The following PCDHGB7 variants were observed in gnomAD, a reference collection of about 807,000 sequenced individuals.
PCDHGB7 encodes the protein protocadherin gamma-B7.
PCDHGB7 carries 37 observed loss-of-function variants against 61.4 expected under a neutral mutation model. The ratio of observed to expected loss-of-function variants is 0.60; its 90% CI spans 0.46 to 0.79. The LOEUF is 0.79. Among genes scored for constraint, PCDHGB7 ranks in the 30% least tolerant of loss-of-function variants. The pLI is 0.00. For synonymous variants in PCDHGB7, 464 were observed against 503.5 expected (o/e 0.92, Z 1.05); for missense variants, 1,166 against 1,202.5 (o/e 0.97, Z 0.45).
At position 141,487,937 on chromosome 5, in the gene PCDHGB7, T is replaced by G; in HGVS notation, c.2416-6870T>G. 2 of 603,606 alleles carry G rather than the reference T, an allele frequency of 3.3e-6. No homozygotes were observed. The highest frequency in any genetic ancestry group is 2.9e-6 in the Non-Finnish European group (1 of 345,124). 37.4% of individuals were successfully genotyped at this position (603,606 alleles called of 1,614,324 possible). ...GGAGGCTACAGTGCACAGGGTACAG[T>G]GCACCAGGCAGTCACTTGGACAAAG... On this transcript the variant is annotated intron_variant, in intron 1 of 3. Transcript: ENST00000398594. The surrounding 1 kb of genome is among the most constrained non-coding windows in gnomAD (Gnocchi z 5.0).
Position 141,485,256 on chromosome 5 carries a change from G to A in PCDHGB7, c.2416-9551G>A, listed in dbSNP as rs770176450. The A allele has an allele frequency of 6.2e-7, 1 of 1,614,186 alleles. No homozygotes were observed. Among genetic ancestry groups the A allele is most frequent in the Non-Finnish European group, 8.5e-7 (1 of 1,179,996 alleles). On this transcript the variant is annotated intron_variant, in intron 1 of 3. Transcript: ENST00000398594. The surrounding 1 kb of genome is among the most constrained non-coding windows in gnomAD (Gnocchi z 5.7). ...CTCTTTTACCACCTGGGTTACGTTTGTGGGCAGATCCGCTACCCGGTCCCA... is the reference window on the plus strand; with the variant it reads ...CTCTTTTACCACCTGGGTTACGTTTATGGGCAGATCCGCTACCCGGTCCCA...
Position 141,419,939 on chromosome 5 carries a change from G to C in PCDHGB7, c.2080G>C (p.Val694Leu). Reference protein sequence around the residue: ...SQAEMQFYLVVALALISVLFL... With the variant: ...SQAEMQFYLVLALALISVLFL... Reference sequence around the variant, plus strand: ...GGCTGAGATGCAGTTTTACCTGGTGGTGGCCTTGGCCTTGATTTCTGTGCT... The same window carrying C: ...GGCTGAGATGCAGTTTTACCTGGTGCTGGCCTTGGCCTTGATTTCTGTGCT... Residue 694 changes from valine (V) to leucine (L), a missense_variant, in exon 1 of 4, where the codon GTG becomes CTG. Coordinates refer to ENST00000398594, the MANE Select transcript of PCDHGB7 (RefSeq NM_018927.4). 6 of 1,614,054 alleles carry C rather than the reference G, an allele frequency of 3.7e-6. No homozygotes were observed. Among genetic ancestry groups the C allele is most frequent in the Admixed American group, 1.7e-5 (1 of 60,034 alleles).
rs766164142 is a variant in PCDHGB7, at chr5:141,477,910, G to A, written c.2416-16897G>A. On this transcript the variant is annotated intron_variant, in intron 1 of 3. Transcript: ENST00000398594. The surrounding 1 kb of genome is among the most constrained non-coding windows in gnomAD (Gnocchi z 4.9). ...TGTCACGGGTGGTAGGCTGGGACGC[G>A]GATGCAGGGCACAATGCCTGGCTCT... 6.2e-7 allele frequency: 1 copy of A among 1,614,166 alleles called. No individual in the cohort carries two copies. Among genetic ancestry groups the A allele is most frequent in the Admixed American group, 1.7e-5 (1 of 60,020 alleles).
chr5:141,491,254 G>A lies in PCDHGB7; in HGVS notation c.2416-3553G>A, dbSNP rs746242389. ...GCTGGTTCTGGAGGATGAGGACCCT[G>A]AGGAAATGCCCAAATCCAGTGACTT... is the stretch of plus-strand genomic sequence containing the variant. On this transcript the variant is annotated intron_variant, in intron 1 of 3. Coordinates refer to ENST00000398594, the MANE Select transcript of PCDHGB7 (RefSeq NM_018927.4). This position sits in a 1 kb window ranked among gnomAD's most constrained non-coding sequence, Gnocchi z 6.9. 24 of 1,614,198 alleles carry A rather than the reference G, an allele frequency of 1.5e-5. No individual in the cohort carries two copies. The highest frequency in any genetic ancestry group is 2.0e-5 in the Non-Finnish European group (24 of 1,180,018).
chr5:141,494,935 G>A, intron 2 of PCDHGB7, 70 bp downstream of exon 2: 1 of 1,612,482 alleles, frequency 6.2e-7, no homozygotes, highest in Non-Finnish European at 8.5e-7. Flanking sequence ...GGGAGGAGAT[G>A]GGGGAGGGCC....
At chr5:141,463,725 C>T (rs1259646105) in intron 1 of PCDHGB7, among the ~76,000 whole-genome samples, 2 of 152,026 alleles carry the variant, frequency 1.3e-5, no homozygotes, top group Non-Finnish European at 1.5e-5. Context: ...GGATTACAGG[C>T]ATGAGCCACC....
intron 1 of PCDHGB7, among the ~76,000 whole-genome samples, chr5:141,488,261 G>T (rs993627373): frequency 6.6e-6 from 1 of 152,148 alleles, no homozygotes; most frequent in Non-Finnish European, 1.5e-5. Flanking sequence ...GGTTGGGGCG[G>T]GTTGGTCATC....
intron 1 of PCDHGB7, among the ~76,000 whole-genome samples, chr5:141,465,911 A>G (rs540115471): frequency 6.6e-6 from 1 of 152,260 alleles, no homozygotes; most frequent in East Asian, 1.9e-4. Context: ...TCACGAGGTC[A>G]GGATTTCGAG....
chr5:141,486,105 A>C lies in PCDHGB7; in HGVS notation c.2416-8702A>C. The stretch of plus-strand genomic sequence containing the variant: ...ACTCTTTTGGGGCCCCTAGACTTTG[A>C]GAGTGAGAATTACTATGAATTTGAT... On this transcript the variant is annotated intron_variant, in intron 1 of 3. Transcript: ENST00000398594. This position sits in a 1 kb window ranked among gnomAD's most constrained non-coding sequence, Gnocchi z 5.0. The C allele has an allele frequency of 1.2e-6, 2 of 1,614,138 alleles. No individual in the cohort carries two copies. The highest frequency in any genetic ancestry group is 1.7e-6 in the Non-Finnish European group (2 of 1,180,016).
At chr5:141,421,702 A>G (rs2096594027) in intron 1 of PCDHGB7, 1 of 1,613,950 alleles carries the variant, frequency 6.2e-7, no homozygotes, top group Non-Finnish European at 8.5e-7. Context: ...TCCTAATGCT[A>G]GGGATCCAGA....
In PCDHGB7 at chr5:141,476,868, C is replaced by G. The variant is rs1213404395; in HGVS notation, c.2416-17939C>G. On this transcript the variant is annotated intron_variant, in intron 1 of 3. Transcript: ENST00000398594. This position sits in a 1 kb window ranked among gnomAD's most constrained non-coding sequence, Gnocchi z 7.6. Reference sequence around the variant, plus strand: ...GTCTTCAACCAGTCCTTGTACCGGGCGCGCGTCCTGGAGGATGCACCCTCC... The same window carrying G: ...GTCTTCAACCAGTCCTTGTACCGGGGGCGCGTCCTGGAGGATGCACCCTCC... 2.5e-6 allele frequency: 4 copies of G among 1,613,874 alleles called. No homozygotes were observed. Among genetic ancestry groups the G allele is most frequent in the Non-Finnish European group, 3.4e-6 (4 of 1,180,050 alleles).
chr5:141,474,407 G>A (rs1431210575), intron 1 of PCDHGB7, among the ~76,000 whole-genome samples: 2 of 152,230 alleles, frequency 1.3e-5, no homozygotes, highest in East Asian at 1.9e-4. Flanking sequence ...GCTCCCCGGT[G>A]ATGCCTAGAC....
intron 1 of PCDHGB7, among the ~76,000 whole-genome samples, chr5:141,467,695 T>C (rs1189395935): frequency 6.6e-6 from 1 of 152,142 alleles, no homozygotes; most frequent in Non-Finnish European, 1.5e-5. Flanking sequence ...AGGGTCTGGC[T>C]CTGTTGCCCA....
intron 1 of PCDHGB7, among the ~76,000 whole-genome samples, chr5:141,470,068 G>A (rs1269966360): frequency 6.6e-6 from 1 of 152,240 alleles, no homozygotes; most frequent in East Asian, 1.9e-4. Flanking sequence ...GGCAGAGACT[G>A]TAGTGATCTG....
rs1472816403 is a variant in PCDHGB7 at position 141,451,473 on chromosome 5, C to T, written c.2415+31199C>T. On this transcript the variant is annotated intron_variant, in intron 1 of 3. Transcript: ENST00000398594. ...TGTTAGCTTGAGGTCTACCTCAGTTCCTTGCCATGTGGACCTCCATAGGGC... is the reference window on the plus strand; with the variant it reads ...TGTTAGCTTGAGGTCTACCTCAGTTTCTTGCCATGTGGACCTCCATAGGGC... Among the ~76,000 whole-genome samples the T allele has an allele frequency of 2.0e-5, 3 of 152,218 alleles. No homozygotes were observed. In the East Asian group the frequency reaches 5.8e-4, roughly 29 times the overall value.
At chr5:141,497,223 T>G (rs921763195) in intron 2 of PCDHGB7, among the ~76,000 whole-genome samples, 14 of 151,762 alleles carry the variant, frequency 9.2e-5, no homozygotes, top group African/African-American at 3.4e-4. Context: ...GGGGGGAAGA[T>G]CAGAGAAGGC....
chr5:141,505,883 T>C (rs1225759976), intron 3 of PCDHGB7, among the ~76,000 whole-genome samples: 1 of 152,118 alleles, frequency 6.6e-6, no homozygotes, highest in East Asian at 1.9e-4. Flanking sequence ...GTTGTAGAGA[T>C]TAAATGAGAT....
rs3074541 is a variant in PCDHGB7 at position 141,433,358 on chromosome 5, CCTATCTATCTATCTATCTATCTAT to C, written c.2415+13109_2415+13132del. 6 of 503,934 alleles carry C rather than the reference CCTATCTATCTATCTATCTATCTAT, an allele frequency of 1.2e-5. No homozygotes were observed. In the Admixed American group the frequency reaches 1.5e-4, roughly 12 times the overall value. The allele number at this position is 503,934 out of a possible 1,614,324, so 31.2% of individuals were successfully genotyped here. ...ACAGGTGCAAGCCACCTACTGTCTG[CCTATCTATCTATCTATCTATCTAT>C]CTATCTATCTATCTATCTATCTATT... On this transcript the variant is annotated intron_variant, in intron 1 of 3. Transcript: ENST00000398594.
At chr5:141,454,428 CAG>C (rs1412897540) in intron 1 of PCDHGB7, among the ~76,000 whole-genome samples, 1 of 152,172 alleles carries the variant, frequency 6.6e-6, no homozygotes, top group Admixed American at 6.5e-5. Flanking sequence ...TATTTAGAGA[CAG>C]AGTTTCACTC....
Sources: allele counts gnomAD v4.1 joint callset (sites outside exome capture counted in the v4.1 genomes callset), GRCh38; gene constraint gnomAD v4.1.1; non-coding constraint Gnocchi (gnomAD v3.1); transcripts MANE v1.5; gene names NCBI Gene and HGNC (gene_info 2026-07-23, HGNC 2026-07-21).